MACROD2: variants seen among roughly 807,000 people sequenced by gnomAD.
MACROD2 encodes ADP-ribose glycohydrolase MACROD2.
Under a neutral mutation model 70.4 loss-of-function variants are expected in MACROD2, and 36 were observed. The ratio of observed to expected loss-of-function variants is 0.51; its 90% CI spans 0.39 to 0.68. The LOEUF (loss-of-function observed/expected upper bound fraction) is 0.68. MACROD2 is among the 30% of genes least tolerant of loss of function. The pLI is 0.00. For missense variants in MACROD2, 496 were observed against 538.4 expected (o/e 0.92, Z 0.78); for synonymous variants, 172 against 178.8 (o/e 0.96, Z 0.30).
chr20:14,796,657 T>A (rs1366775942), intron 5 of MACROD2, among the ~76,000 whole-genome samples: 3 of 152,106 alleles, frequency 2.0e-5, no homozygotes, highest in Non-Finnish European at 4.4e-5. Context: ...AAAGCATTAC[T>A]TGGAATGCTG....
At chr20:15,904,419 A>C (rs1376137224) in intron 10 of MACROD2, among the ~76,000 whole-genome samples, 1 of 152,186 alleles carries the variant, frequency 6.6e-6, no homozygotes, top group African/African-American at 2.4e-5. Context: ...AAACAAGATA[A>C]ACTGAGTAAA....
At chr20:14,576,444 A>T (rs547731745) in intron 4 of MACROD2, among the ~76,000 whole-genome samples, 2 of 152,246 alleles carry the variant, frequency 1.3e-5, no homozygotes, top group Admixed American at 6.5e-5. Context: ...TCTATTTCAA[A>T]TTTTTTTAAT....
chr20:15,542,562 C>G (rs927388467), intron 8 of MACROD2, among the ~76,000 whole-genome samples: 1 of 151,970 alleles, frequency 6.6e-6, no homozygotes, highest in Non-Finnish European at 1.5e-5. Context: ...GCTTCAGTGG[C>G]CTTCAAAGAT....
At chr20:15,234,193 G>A (rs175295) in intron 6 of MACROD2, among the ~76,000 whole-genome samples, 82,886 of 136,064 alleles carry the variant, frequency 0.61, 25,403 homozygotes, top group African/African-American at 0.76. Flanking sequence ...TACCACGCCC[G>A]GCTAATTTTT....
At chr20:15,221,086 T>C (rs939789748) in intron 5 of MACROD2, among the ~76,000 whole-genome samples, 2 of 152,308 alleles carry the variant, frequency 1.3e-5, no homozygotes, top group African/African-American at 4.8e-5. Context: ...TTTGTAGAAT[T>C]ACCCTTGCAG....
intron 5 of MACROD2, among the ~76,000 whole-genome samples, chr20:14,927,117 C>T (rs920939995): frequency 6.6e-6 from 1 of 152,144 alleles, no homozygotes; most frequent in African/African-American, 2.4e-5. Context: ...CTATTTACAA[C>T]TTCCTGAAAA....
intron 6 of MACROD2, among the ~76,000 whole-genome samples, chr20:15,283,926 G>A (rs2077469033): frequency 6.6e-6 from 1 of 151,972 alleles, no homozygotes; most frequent in Non-Finnish European, 1.5e-5. Context: ...GGCTTTATCT[G>A]TACCCTATCC....
In MACROD2 at chr20:14,420,583, C is replaced by T. The variant is rs573847798; in HGVS notation, c.272-72896C>T. On this transcript the variant is annotated intron_variant, in intron 3 of 17. Transcript: ENST00000684519. ...AATTGAGCTGTTTGTTTTTCATTGC[C>T]ATTATTGAGTTTTAGGAGTTCATTA... 7.9e-5 allele frequency among the ~76,000 whole-genome samples: 12 copies of T among 152,156 alleles called. No homozygotes were observed. The South Asian group carries it at 8.3e-4, about 11-fold the overall frequency.
chr20:15,143,284 T>C (rs6079680), intron 5 of MACROD2, among the ~76,000 whole-genome samples: 89,633 of 152,098 alleles, frequency 0.59, 26,555 homozygotes, highest in East Asian at 0.65. Flanking sequence ...ATTTTTTTCA[T>C]GTGTGTTGGC....
chr20:15,482,520 T>C (rs987823479), intron 7 of MACROD2, among the ~76,000 whole-genome samples: 2 of 152,212 alleles, frequency 1.3e-5, no homozygotes, highest in African/African-American at 4.8e-5. Context: ...AGAAAATACA[T>C]TGAAGTCCTT....
intron 3 of MACROD2, among the ~76,000 whole-genome samples, chr20:14,221,141 A>C (rs187632034): frequency 6.6e-6 from 1 of 152,234 alleles, no homozygotes; most frequent in Non-Finnish European, 1.5e-5. Context: ...TTTAGCTGCC[A>C]AGCCACAACA....
intron 8 of MACROD2, among the ~76,000 whole-genome samples, chr20:15,501,063 T>C (rs1201019103): frequency 6.6e-6 from 1 of 152,224 alleles, no homozygotes; most frequent in Non-Finnish European, 1.5e-5. Flanking sequence ...TTAAATGACA[T>C]ACTCAAGATT....
chr20:14,191,039 C>A lies in MACROD2; in HGVS notation c.271+105311C>A, dbSNP rs570643143. On this transcript the variant is annotated intron_variant, in intron 3 of 17. Transcript: ENST00000684519. ...TCATTATTAAACCATAGGAATGAGC[C>A]TCATTTTATCCTGGTTGGTTTTTTA... Among the ~76,000 whole-genome samples the A allele has an allele frequency of 2.0e-5, 3 of 152,090 alleles. No homozygotes were observed. The South Asian group carries it at 6.2e-4, about 32-fold the overall frequency.
At chr20:14,698,357 A>C (rs148170942) in intron 5 of MACROD2, among the ~76,000 whole-genome samples, 1 of 152,136 alleles carries the variant, frequency 6.6e-6, no homozygotes, top group Non-Finnish European at 1.5e-5. Context: ...CCGTTTTGCT[A>C]TCGGGAAATA....
rs75068324 is a variant in MACROD2 at position 15,043,618 on chromosome 20, A to G, written c.419-186322A>G. Among the ~76,000 whole-genome samples the G allele has an allele frequency of 6.5e-3, 995 of 152,184 alleles. 8 individuals carry two copies. The highest frequency in any genetic ancestry group is 0.023 in the African/African-American group (949 of 41,522). ...CTTCCCTTTTCTCTTTCCCCCAGTC[A>G]AAAAGAAGCTTTTGCAGTCTGGGCA... On this transcript the variant is annotated intron_variant, in intron 5 of 17. Coordinates refer to ENST00000684519, the MANE Select transcript of MACROD2 (RefSeq NM_001351661.2).
At chr20:15,200,268 C>G (rs991016246) in intron 5 of MACROD2, among the ~76,000 whole-genome samples, 1 of 152,194 alleles carries the variant, frequency 6.6e-6, no homozygotes, top group Non-Finnish European at 1.5e-5. Context: ...ACTGAAACTT[C>G]ACATGCTACT....
intron 3 of MACROD2, among the ~76,000 whole-genome samples, chr20:14,441,899 A>C (rs2084127979): frequency 6.6e-6 from 1 of 152,184 alleles, no homozygotes; most frequent in East Asian, 1.9e-4. Context: ...ACTTCTAAAA[A>C]CACTAGCTAG....
In MACROD2 at chr20:14,248,998, A is replaced by G. The variant is rs375279234; in HGVS notation, c.271+163270A>G. 6.6e-5 allele frequency among the ~76,000 whole-genome samples: 10 copies of G among 152,202 alleles called. No individual in the cohort carries two copies. In the East Asian group the frequency reaches 1.2e-3, roughly 18 times the overall value. ...AGCCAAATGGCCATTTTAAATTCCAATTCTTACTCTGATTTAATAGCCAAT... is the reference window on the plus strand; with the variant it reads ...AGCCAAATGGCCATTTTAAATTCCAGTTCTTACTCTGATTTAATAGCCAAT... On this transcript the variant is annotated intron_variant, in intron 3 of 17. Transcript: ENST00000684519.
intron 3 of MACROD2, among the ~76,000 whole-genome samples, chr20:14,121,924 G>C (rs1289474227): frequency 9.2e-5 from 14 of 152,190 alleles, no homozygotes; most frequent in African/African-American, 3.4e-4. Flanking sequence ...TTTGGTGTAA[G>C]AGTTACTCCA....
Sources: gnomAD v4.1 joint callset for allele counts (sites outside exome capture counted in the v4.1 genomes callset) on GRCh38, gnomAD v4.1.1 for gene constraint, MANE v1.5 for transcripts, NCBI Gene and HGNC (gene_info 2026-07-23, HGNC 2026-07-21) for gene names.